Variants in C3orf20 observed in about 807,000 individuals in gnomAD.
C3orf20 encodes uncharacterized protein C3orf20.
In C3orf20, 76 loss-of-function variants were observed where a neutral mutation model predicts 88.3. The observed-to-expected ratio is 0.86, with a 90% CI of 0.72 to 1.04. The LOEUF (loss-of-function observed/expected upper bound fraction) is 1.04. C3orf20 is among the 50% of genes least tolerant of loss of function. The probability of loss-of-function intolerance (pLI) is 0.00; values close to 1 mark genes in which losing one functional copy is unlikely to be tolerated. For synonymous variants in C3orf20, 436 were observed against 437.4 expected (o/e 1.00, Z 0.04); for missense variants, 1,056 against 1,123.3 (o/e 0.94, Z 0.86).
intron 7 of C3orf20, among the ~76,000 whole-genome samples, chr3:14,707,128 A>G (rs1003252497): frequency 1.3e-4 from 19 of 151,024 alleles, no homozygotes; most frequent in Non-Finnish European, 2.5e-4. Context: ...GGGCGCCTGT[A>G]GTCCCAGCTA....
intron 12 of C3orf20, among the ~76,000 whole-genome samples, chr3:14,740,823 T>C (rs1259703243): frequency 6.6e-6 from 1 of 152,230 alleles, no homozygotes; most frequent in Non-Finnish European, 1.5e-5. Flanking sequence ...ATTTATTCTA[T>C]TTTTCACTTT....
At position 14,675,196 on chromosome 3, in the gene C3orf20, A is replaced by G. The variant is rs960041360; in HGVS notation, c.-355A>G. The G allele has an allele frequency of 6.6e-6, 1 of 152,198 alleles. No homozygotes were observed. Among genetic ancestry groups the G allele is most frequent in the African/African-American group, 2.4e-5 (1 of 41,422 alleles). The allele number at this position is 152,198 out of a possible 1,614,324, so 9.4% of individuals were successfully genotyped here. A position where few individuals can be genotyped will look rare whatever the true frequency, so the allele number is the denominator to read the frequency against. On this transcript the variant is annotated 5_prime_UTR_variant, in exon 1 of 17. It removes the in-frame stop codon of an upstream open reading frame in the 5' UTR. Transcript: ENST00000253697. ...CATACTGTGTCCTTTTAAGTCAGTA[A>G]ATTGAACTAAGTCGGTTATTCGGCA...
rs139395744 is a variant in C3orf20 at position 14,727,009 on chromosome 3, A to C, written c.1675A>C (p.Ile559Leu). The C allele has an allele frequency of 6.2e-7, 1 of 1,614,026 alleles. No individual in the cohort carries two copies. Among genetic ancestry groups the C allele is most frequent in the Non-Finnish European group, 8.5e-7 (1 of 1,180,038 alleles). Reference protein sequence around the residue: ...QKTVTQFINSILLAAGLFTIE... With the variant: ...QKTVTQFINSLLLAAGLFTIE... The stretch of plus-strand genomic sequence containing the variant: ...GACAGTGACTCAGTTCATTAATTCT[A>C]TCTTGCTGGCCGCAGGTAAGGAGGC... The change falls in exon 11 of 17, where the codon ATC (isoleucine) becomes CTC (leucine). Residue 559 changes from isoleucine (I) to leucine (L), a missense_variant. Coordinates refer to ENST00000253697, the MANE Select transcript of C3orf20 (RefSeq NM_032137.5).
intron 5 of C3orf20, among the ~76,000 whole-genome samples, chr3:14,690,467 C>G (rs1366200579): frequency 6.6e-6 from 1 of 152,170 alleles, no homozygotes; most frequent in Admixed American, 6.5e-5. Context: ...ACAGCTCTGT[C>G]CAGTCACACA....
chr3:14,736,868 A>G (rs1483873269), intron 12 of C3orf20, among the ~76,000 whole-genome samples: 1 of 152,200 alleles, frequency 6.6e-6, no homozygotes, highest in Non-Finnish European at 1.5e-5. Flanking sequence ...TGCCTGGCCC[A>G]TTACCTACAT....
intron 15 of C3orf20, among the ~76,000 whole-genome samples, chr3:14,769,238 G>C (rs1460755267): frequency 6.6e-6 from 1 of 152,062 alleles, no homozygotes; most frequent in Non-Finnish European, 1.5e-5. Context: ...GGGCTTGGCA[G>C]AGGAGGGGAC....
chr3:14,695,095 G>A lies in C3orf20; in HGVS notation c.745+4979G>A, dbSNP rs774869377. ...AGTAAGCCACCATGCCTGGGCTGAAGTTTTTCTTCTTTTTGATGTAGGCAC... is the reference window on the plus strand; with the variant it reads ...AGTAAGCCACCATGCCTGGGCTGAAATTTTTCTTCTTTTTGATGTAGGCAC... On this transcript the variant is annotated intron_variant, in intron 5 of 16. Transcript: ENST00000253697. Among the ~76,000 whole-genome samples, 22 of 152,164 alleles carry A rather than the reference G, an allele frequency of 1.4e-4. No individual in the cohort carries two copies. The South Asian group carries it at 1.5e-3, about 10-fold the overall frequency.
intron 12 of C3orf20, among the ~76,000 whole-genome samples, chr3:14,743,240 A>G (rs1001318601): frequency 1.3e-5 from 2 of 151,984 alleles, no homozygotes; most frequent in African/African-American, 4.8e-5. Context: ...AGCCATTTCA[A>G]ATGGGAGAAA....
At chr3:14,689,782 G>A (rs375412029) in intron 4 of C3orf20, among the ~76,000 whole-genome samples, 2 of 152,188 alleles carry the variant, frequency 1.3e-5, no homozygotes, top group Non-Finnish European at 1.5e-5. Context: ...TTGGGGAGGA[G>A]AGGCACTGCA....
At chr3:14,705,670 G>C (rs983883089) in intron 7 of C3orf20, among the ~76,000 whole-genome samples, 1 of 152,230 alleles carries the variant, frequency 6.6e-6, no homozygotes, top group Non-Finnish European at 1.5e-5. Flanking sequence ...AGCTGGACCA[G>C]ATCACAGATG....
At chr3:14,745,185 A>G (rs1426862247) in intron 12 of C3orf20, among the ~76,000 whole-genome samples, 3 of 152,208 alleles carry the variant, frequency 2.0e-5, no homozygotes, top group Admixed American at 1.3e-4. Flanking sequence ...ACAAATTACT[A>G]GAACCCACAG....
rs1193934914 is a variant in C3orf20, at chr3:14,772,824, C to G, written c.2664C>G (p.Leu888=). 6.2e-7 allele frequency: 1 copy of G among 1,613,976 alleles called. No individual in the cohort carries two copies. Among genetic ancestry groups the G allele is most frequent in the Admixed American group, 1.7e-5 (1 of 60,008 alleles). ...AGCCTGAAGTGGAGCTACATCCTCT[C>G]AGCAGGGACAGCAAGATAACTAGTT... ...TREPEVELHP[L]SRDSKITSWK... The change falls in exon 17 of 17, where the codon CTC becomes CTG. Residue 888 remains leucine, a synonymous_variant. Coordinates refer to ENST00000253697, the MANE Select transcript of C3orf20 (RefSeq NM_032137.5). The surrounding 1 kb of genome is among the most constrained non-coding windows in gnomAD (Gnocchi z 4.2).
At chr3:14,721,583 G>A (rs2034160896) in intron 9 of C3orf20, 70 bp from the exon 10 acceptor site, 1 of 1,579,512 alleles carries the variant, frequency 6.3e-7, no homozygotes, top group East Asian at 2.2e-5. Context: ...TGTGCTTCGT[G>A]GTGGGTCAGG....
chr3:14,714,014 T>C lies in C3orf20; in HGVS notation c.1168T>C (p.Ser390Pro). 6.2e-7 allele frequency: 1 copy of C among 1,614,066 alleles called. No individual in the cohort carries two copies. Among genetic ancestry groups the C allele is most frequent in the Non-Finnish European group, 8.5e-7 (1 of 1,179,990 alleles). ...CCTGAACATTTCTGCCAGCTATCCCTCTGGAAACGTCGCTGTATGTCAGAT... is the reference window on the plus strand; with the variant it reads ...CCTGAACATTTCTGCCAGCTATCCCCCTGGAAACGTCGCTGTATGTCAGAT... ...YDGSSFVYYP[S>P]GNVAVCQIPT... The change falls in exon 8 of 17, where the codon TCT (serine) becomes CCT (proline). Residue 390 changes from serine to proline, a missense_variant. Transcript: ENST00000253697.
rs758538903 is a variant in C3orf20 at position 14,684,575 on chromosome 3, G to C, written c.625+193G>C. ...AATTCCTGTGGAGAGTGGTTTGGCG[G>C]TATCTGCTGAGTGGGCAACAGCTAC... On this transcript the variant is annotated intron_variant, in intron 4 of 16. Transcript: ENST00000253697. Among the ~76,000 whole-genome samples the C allele has an allele frequency of 2.8e-4, 42 of 152,172 alleles. 1 individual carries two copies. The highest frequency in any genetic ancestry group is 4.7e-4 in the Non-Finnish European group (32 of 68,032).
At position 14,761,585 on chromosome 3, in the gene C3orf20, G is replaced by C; in HGVS notation, c.2465G>C (p.Gly822Ala). Reference sequence around the variant, plus strand: ...CGGTCTCAACAGGATTACAAGATGGGCTACTTCCTGCCGGATGACTACAAA... The same window carrying C: ...CGGTCTCAACAGGATTACAAGATGGCCTACTTCCTGCCGGATGACTACAAA... Reference protein sequence around the residue: ...IFRSQQDYKMGYFLPDDYKFS... With the variant: ...IFRSQQDYKMAYFLPDDYKFS... The change falls in exon 15 of 17, where the codon GGC becomes GCC. Residue 822 changes from glycine to alanine, a missense_variant. Physicochemically the swap from Gly to Ala is moderately conservative, Grantham distance 60. Coordinates refer to ENST00000253697, the MANE Select transcript of C3orf20 (RefSeq NM_032137.5). The C allele has an allele frequency of 6.2e-7, 1 of 1,614,120 alleles. No individual in the cohort carries two copies. Among genetic ancestry groups the C allele is most frequent in the Non-Finnish European group, 8.5e-7 (1 of 1,180,028 alleles).
chr3:14,737,334 T>C (rs1002504053), intron 12 of C3orf20, among the ~76,000 whole-genome samples: 5 of 152,142 alleles, frequency 3.3e-5, no homozygotes, highest in Non-Finnish European at 7.3e-5. Context: ...TTTTACTAAG[T>C]TTCATGTACA....
At position 14,719,964 on chromosome 3, in the gene C3orf20, C is replaced by T. The variant is rs929866606; in HGVS notation, c.1435-1689C>T. On this transcript the variant is annotated intron_variant, in intron 9 of 16. Coordinates refer to ENST00000253697, the MANE Select transcript of C3orf20 (RefSeq NM_032137.5). The stretch of plus-strand genomic sequence containing the variant: ...TCCCAACCGTGGCTCTATACTACAT[C>T]TCTCTAGAAGGAGGACAAGAGAGAG... 2.6e-5 allele frequency among the ~76,000 whole-genome samples: 4 copies of T among 152,296 alleles called. No individual in the cohort carries two copies. The South Asian group carries it at 6.2e-4, about 24-fold the overall frequency.
intron 12 of C3orf20, among the ~76,000 whole-genome samples, chr3:14,729,518 C>T (rs1031458045): frequency 6.6e-6 from 1 of 152,138 alleles, no homozygotes; most frequent in African/African-American, 2.4e-5. Flanking sequence ...TATGGAAGGC[C>T]ATTCCATAAG....
Sources: gnomAD v4.1 joint callset for allele counts (sites outside exome capture counted in the v4.1 genomes callset) on GRCh38, gnomAD v4.1.1 for gene constraint, Gnocchi (gnomAD v3.1) non-coding constraint, MANE v1.5 for transcripts, NCBI Gene and HGNC (gene_info 2026-07-23, HGNC 2026-07-21) for gene names.